Variants in SNX25 observed in about 807,000 individuals in gnomAD.
The protein encoded by SNX25 is sorting nexin 25.
SNX25 carries 62 observed loss-of-function variants against 113.7 expected under a neutral mutation model. The ratio of observed to expected loss-of-function variants is 0.55; its 90% CI spans 0.44 to 0.67. The LOEUF is 0.67. Among genes scored for constraint, SNX25 ranks in the 30% least tolerant of loss-of-function variants. The probability of loss-of-function intolerance (pLI) is 0.00; values close to 1 mark genes in which losing one functional copy is unlikely to be tolerated. For synonymous variants in SNX25, 421 were observed against 436.2 expected (o/e 0.97, Z 0.43); for missense variants, 1,014 against 1,161.0 (o/e 0.87, Z 1.84).
At chr4:185,371,358 T>A (rs28637604), downstream of SNX25, among the ~76,000 whole-genome samples, 1 of 151,578 alleles carries the variant, frequency 6.6e-6, no homozygotes, top group African/African-American at 2.4e-5. Flanking sequence ...GCTAACATGG[T>A]GAAACCCCGT....
At chr4:185,219,085 C>T (rs1324111802) in intron 1 of SNX25, among the ~76,000 whole-genome samples, 3 of 152,086 alleles carry the variant, frequency 2.0e-5, no homozygotes, top group South Asian at 2.1e-4. Context: ...TGTGCTATGC[C>T]GCCACTGCCA....
At chr4:185,263,726 C>T (rs1182982323) in intron 3 of SNX25, among the ~76,000 whole-genome samples, 3 of 152,154 alleles carry the variant, frequency 2.0e-5, no homozygotes, top group South Asian at 2.1e-4. Context: ...ATCTCTTATA[C>T]TTTGCCTCCT....
At chr4:185,276,446 C>G (rs1331447945) in intron 5 of SNX25, among the ~76,000 whole-genome samples, 2 of 152,174 alleles carry the variant, frequency 1.3e-5, no homozygotes. Context: ...ATCCCGAGGT[C>G]GGAACCGTTT....
downstream of SNX25, chr4:185,365,687 A>C (rs574761901): frequency 6.9e-6 from 1 of 144,904 alleles, no homozygotes; most frequent in Admixed American, 6.9e-5. Context: ...CTCAAAAAAA[A>C]AAAAATAATA....
intron 5 of SNX25, among the ~76,000 whole-genome samples, chr4:185,284,377 AGTC>A (rs1204868568): frequency 1.3e-5 from 2 of 152,208 alleles, no homozygotes; most frequent in Non-Finnish European, 2.9e-5. Flanking sequence ...ATAGAGCAGA[AGTC>A]ATTCAGGATT....
At position 185,351,664 on chromosome 4, in the gene SNX25, C is replaced by T. The variant is rs1203821849; in HGVS notation, c.2466+55C>T. ...GTAGTGTATTTCAGCAGATACTAAG[C>T]TCATGCTCCTCATGGGGGGAAGCAA... On this transcript the variant is annotated intron_variant, in intron 14 of 18. Transcript: ENST00000652585. The T allele has an allele frequency of 6.0e-5, 94 of 1,554,544 alleles. 1 individual carries two copies. The highest frequency in any genetic ancestry group is 6.6e-5 in the Non-Finnish European group (75 of 1,142,384).
intron 1 of SNX25, among the ~76,000 whole-genome samples, chr4:185,219,841 A>T (rs1207476358): frequency 1.3e-5 from 2 of 152,128 alleles, no homozygotes; most frequent in Admixed American, 1.3e-4. Context: ...AATTTGTTAT[A>T]CATGAAATTA....
At chr4:185,287,229 A>G (rs1177853430) in intron 5 of SNX25, among the ~76,000 whole-genome samples, 1 of 152,170 alleles carries the variant, frequency 6.6e-6, no homozygotes, top group Non-Finnish European at 1.5e-5. Flanking sequence ...AATTATGTTT[A>G]TTTTTCCTGA....
downstream of SNX25, chr4:185,374,035 A>C (rs2095424878): frequency 3.2e-6 from 3 of 925,518 alleles, no homozygotes; most frequent in South Asian, 4.8e-5. Flanking sequence ...GAACTATAAG[A>C]GATATTTAAA....
chr4:185,224,488 T>G (rs1239025681), intron 1 of SNX25, among the ~76,000 whole-genome samples: 1 of 70,672 alleles, frequency 1.4e-5, no homozygotes, highest in Non-Finnish European at 2.8e-5. Flanking sequence ...TATAGATATA[T>G]AAATAGATAT....
chr4:185,323,570 T>A lies in SNX25; in HGVS notation c.1519T>A (p.Phe507Ile). 6.2e-7 allele frequency: 1 copy of A among 1,612,374 alleles called. No individual in the cohort carries two copies. The highest frequency in any genetic ancestry group is 8.5e-7 in the Non-Finnish European group (1 of 1,179,460). ...QLVGEIYQNF[F>I]VESKEISVEK... ...AGTTGGTGAAATTTATCAGAATTTC[T>A]TTGTGGAGAGCAAAGAAATATCTGT... Residue 507 changes from phenylalanine (F) to isoleucine (I), a missense_variant, in exon 9 of 19, where the codon TTT becomes ATT. Transcript: ENST00000652585.
At chr4:185,245,448 A>C (rs1335347610) in intron 1 of SNX25, among the ~76,000 whole-genome samples, 1 of 151,756 alleles carries the variant, frequency 6.6e-6, no homozygotes, top group Non-Finnish European at 1.5e-5. Context: ...AGCTATTCTC[A>C]TGCCTCAGCC....
intron 1 of SNX25, among the ~76,000 whole-genome samples, chr4:185,242,961 C>T (rs551923446): frequency 2.0e-5 from 3 of 152,098 alleles, no homozygotes; most frequent in African/African-American, 7.2e-5. Context: ...CTTTCCTGTT[C>T]TCCTGGCTTA....
chr4:185,277,913 T>C lies in SNX25; in HGVS notation c.1092-10099T>C, dbSNP rs1168551246. 3.2e-5 allele frequency among the ~76,000 whole-genome samples: 3 copies of C among 93,826 alleles called. 1 individual carries two copies. The highest frequency in any genetic ancestry group is 4.8e-4 in the South Asian group (1 of 2,072). 61.6% of individuals were successfully genotyped at this position (93,826 alleles called of 152,430 possible). Reference sequence around the variant, plus strand: ...ACGCCCGGCTAATTTTTTGTATTTTTAGTAGAGACGGGGTTTCACCGTTTT... The same window carrying C: ...ACGCCCGGCTAATTTTTTGTATTTTCAGTAGAGACGGGGTTTCACCGTTTT... On this transcript the variant is annotated intron_variant, in intron 5 of 18. Transcript: ENST00000652585.
chr4:185,283,182 A>T (rs185874934), intron 5 of SNX25, among the ~76,000 whole-genome samples: 204 of 152,298 alleles, frequency 1.3e-3, no homozygotes, highest in Non-Finnish European at 2.6e-3. Flanking sequence ...GCAGTTCCTC[A>T]CAGGAGACCC....
chr4:185,310,756 T>C lies in SNX25; in HGVS notation c.1284T>C (p.Pro428=). 1 of 1,613,900 alleles carries C rather than the reference T, an allele frequency of 6.2e-7. No homozygotes were observed. The highest frequency in any genetic ancestry group is 8.5e-7 in the Non-Finnish European group (1 of 1,179,894). The part of the protein sequence containing the change: ...CEKRIRILGG[P]AYDQQEDGAL... ...AGAGAATCCGAATCCTGGGAGGCCC[T>C]GCCTATGACCAGCAAGAGGATGGGG... The change falls in exon 7 of 19, where the codon CCT becomes CCC. Residue 428 remains proline, a synonymous_variant. Coordinates refer to ENST00000652585, the MANE Select transcript of SNX25 (RefSeq NM_001378034.2).
intron 1 of SNX25, among the ~76,000 whole-genome samples, chr4:185,222,514 C>T (rs1740146407): frequency 1.3e-5 from 2 of 152,020 alleles, no homozygotes; most frequent in Non-Finnish European, 2.9e-5. Flanking sequence ...TATACCCCTC[C>T]CTCGCGGTAG....
intron 10 of SNX25, among the ~76,000 whole-genome samples, chr4:185,337,079 T>C (rs753338141): frequency 2.2e-4 from 33 of 152,238 alleles, no homozygotes; most frequent in Non-Finnish European, 7.3e-5. Context: ...GTTGGATGTA[T>C]AGATCATGAA....
intron 15 of SNX25, 117 bp from the exon 16 acceptor site, chr4:185,357,554 C>T (rs989995187): frequency 1.2e-6 from 1 of 851,904 alleles, no homozygotes; most frequent in Non-Finnish European, 2.0e-6. Flanking sequence ...ATAGCCATGA[C>T]TTGATGGCAG....
Sources: allele counts gnomAD v4.1 joint callset (sites outside exome capture counted in the v4.1 genomes callset), GRCh38; gene constraint gnomAD v4.1.1; transcripts MANE v1.5; gene names NCBI Gene and HGNC (gene_info 2026-07-23, HGNC 2026-07-21).